Variants in FGF14 observed in about 807,000 individuals in gnomAD.
The protein encoded by FGF14 is fibroblast growth factor homologous factor 4.
Under a neutral mutation model 25.5 loss-of-function variants are expected in FGF14, and 5 were observed. The observed-to-expected ratio is 0.20, with a 90% CI of 0.10 to 0.41. The LOEUF (loss-of-function observed/expected upper bound fraction) is 0.41. FGF14 is among the 10% of genes least tolerant of loss of function. The pLI is 1.00. For missense variants in FGF14, 222 were observed against 320.1 expected, an observed-to-expected ratio of 0.69 and a Z score of 2.34; for synonymous variants, 138 against 118.3, an observed-to-expected ratio of 1.17 and a Z score of -1.08.
chr13:102,182,762 ATT>A (rs1481823397), intron 1 of FGF14, among the ~76,000 whole-genome samples: 1 of 152,162 alleles, frequency 6.6e-6, no homozygotes, highest in Non-Finnish European at 1.5e-5. Context: ...GAAATACTAC[ATT>A]TCTTGCCCAA....
At chr13:102,253,054 T>G (rs1363618537) in intron 1 of FGF14, among the ~76,000 whole-genome samples, 1 of 152,238 alleles carries the variant, frequency 6.6e-6, no homozygotes, top group East Asian at 1.9e-4. Flanking sequence ...CACATATTCT[T>G]TATCCAGTCT....
chr13:101,941,942 T>G (rs77925733), intron 1 of FGF14, among the ~76,000 whole-genome samples: 5,113 of 152,296 alleles, frequency 0.034, 146 homozygotes, highest in Non-Finnish European at 0.049. Context: ...CCTTAGTTTG[T>G]AAAACTATAT....
At chr13:102,298,865 C>CTATTTTCT (rs2054873196) in intron 1 of FGF14, among the ~76,000 whole-genome samples, 1 of 152,110 alleles carries the variant, frequency 6.6e-6, no homozygotes. Flanking sequence ...TTAAGTGACT[C>CTATTTTCT]TATTTTCTAA....
intron 3 of FGF14, among the ~76,000 whole-genome samples, chr13:101,862,423 C>T (rs2140419001): frequency 6.6e-6 from 1 of 151,858 alleles, no homozygotes; most frequent in South Asian, 2.1e-4. Context: ...CTTTATATTC[C>T]ATAAAATGTC....
chr13:101,830,671 C>T (rs1457653010), intron 3 of FGF14, among the ~76,000 whole-genome samples: 1 of 151,956 alleles, frequency 6.6e-6, no homozygotes, highest in African/African-American at 2.4e-5. Context: ...CAAATTTTTC[C>T]TATATTAACT....
chr13:102,302,868 G>A (rs2055145465), intron 1 of FGF14, among the ~76,000 whole-genome samples: 1 of 152,048 alleles, frequency 6.6e-6, no homozygotes, highest in African/African-American at 2.4e-5. Context: ...TCTGGCCCCT[G>A]CCATCTATTC....
intron 1 of FGF14, among the ~76,000 whole-genome samples, chr13:102,231,541 C>T (rs987881341): frequency 1.3e-5 from 2 of 152,128 alleles, no homozygotes; most frequent in African/African-American, 2.4e-5. Flanking sequence ...AGATTTATAA[C>T]AGAAATATAC....
chr13:102,074,816 G>A lies in FGF14; in HGVS notation c.209-199520C>T, dbSNP rs191041857. 1.1e-3 allele frequency among the ~76,000 whole-genome samples: 165 copies of A among 152,178 alleles called. 1 individual carries two copies. The highest frequency in any genetic ancestry group is 9.7e-4 in the East Asian group (5 of 5,180). On this transcript the variant is annotated intron_variant, in intron 1 of 4. Transcript: ENST00000376131. ...TGATCCACCATATTAGTGGAATGAAGGATAAAAACCGTATGATCATCTCAA... is the reference window on the plus strand; with the variant it reads ...TGATCCACCATATTAGTGGAATGAAAGATAAAAACCGTATGATCATCTCAA...
At position 102,268,460 on chromosome 13, in the gene FGF14, A is replaced by G. The variant is rs2053096685; in HGVS notation, c.208+133011T>C. 4.6e-5 allele frequency among the ~76,000 whole-genome samples: 7 copies of G among 152,140 alleles called. No individual in the cohort carries two copies. The South Asian group carries it at 1.4e-3, about 31-fold the overall frequency. On this transcript the variant is annotated intron_variant, in intron 1 of 4. Coordinates refer to the FGF14 transcript ENST00000376131. ...TAAAACCAAAATATGTAGACATTAT[A>G]TAAAAGTTATGTAAGTTATAATACA...
intron 1 of FGF14, among the ~76,000 whole-genome samples, chr13:102,398,598 G>A (rs922142133): frequency 6.6e-6 from 1 of 152,070 alleles, no homozygotes; most frequent in African/African-American, 2.4e-5. Context: ...ATAATAGGTA[G>A]TAGTCAATCT....
At chr13:102,135,044 CACACACACACACACACAA>C (rs1946922454) in intron 1 of FGF14, among the ~76,000 whole-genome samples, 1 of 151,254 alleles carries the variant, frequency 6.6e-6, no homozygotes, top group Admixed American at 6.6e-5. Context: ...CACACACACA[CACACACACACACACACAA>C]ATCCGCGTGG....
chr13:101,834,719 A>C (rs2140295036), intron 3 of FGF14, among the ~76,000 whole-genome samples: 1 of 152,232 alleles, frequency 6.6e-6, no homozygotes, highest in South Asian at 2.1e-4. Flanking sequence ...AGATTGGTGA[A>C]GGTACTTAGT....
intron 1 of FGF14, among the ~76,000 whole-genome samples, chr13:102,209,851 A>G (rs907142970): frequency 1.3e-5 from 2 of 152,216 alleles, no homozygotes; most frequent in African/African-American, 4.8e-5. Context: ...ATTTTTAATT[A>G]AAAACTGGGA....
intron 1 of FGF14, among the ~76,000 whole-genome samples, chr13:102,386,715 A>G (rs1482823849): frequency 6.6e-6 from 1 of 152,204 alleles, no homozygotes; most frequent in Non-Finnish European, 1.5e-5. Context: ...TGGGTAGGAA[A>G]CTGTGCACAT....
intron 1 of FGF14, among the ~76,000 whole-genome samples, chr13:101,959,536 C>A (rs1427513121): frequency 6.6e-6 from 1 of 152,204 alleles, no homozygotes; most frequent in Non-Finnish European, 1.5e-5. Flanking sequence ...ATTTCCTCAA[C>A]ATGCACTGTA....
intron 1 of FGF14, among the ~76,000 whole-genome samples, chr13:102,224,576 A>T (rs909322616): frequency 1.3e-5 from 2 of 152,182 alleles, no homozygotes; most frequent in Non-Finnish European, 2.9e-5. Flanking sequence ...TTGACAAAAA[A>T]AATAATTTTA....
chr13:101,896,807 C>T (rs960555571), intron 1 of FGF14, among the ~76,000 whole-genome samples: 2 of 152,112 alleles, frequency 1.3e-5, no homozygotes, highest in African/African-American at 2.4e-5. Flanking sequence ...AGAGTTATTT[C>T]TCATCAGGCT....
chr13:101,896,042 C>A (rs932404039), intron 1 of FGF14, among the ~76,000 whole-genome samples: 4 of 152,132 alleles, frequency 2.6e-5, no homozygotes, highest in Non-Finnish European at 5.9e-5. Flanking sequence ...AAAATTGATA[C>A]TGCACAAAGA....
At chr13:102,394,541 C>T (rs996090531) in intron 1 of FGF14, 2 of 152,282 alleles carry the variant, frequency 1.3e-5, no homozygotes, top group Non-Finnish European at 2.9e-5. Flanking sequence ...CTGCCGGGTC[C>T]CAGAGACGCC....
Sources: gnomAD v4.1 joint callset for allele counts (sites outside exome capture counted in the v4.1 genomes callset) on GRCh38, gnomAD v4.1.1 for gene constraint, MANE v1.5 for transcripts, NCBI Gene and HGNC (gene_info 2026-07-23, HGNC 2026-07-21) for gene names.